Variants in BBS9 observed in about 807,000 individuals in gnomAD.
BBS9 encodes Bardet-Biedl syndrome 9.
A neutral mutation model predicts 117.7 loss-of-function variants in BBS9; 89 were observed. That is an observed-to-expected ratio of 0.76 (90% CI 0.64 to 0.90). BBS9 has a LOEUF of 0.90. Among genes scored for constraint, BBS9 ranks in the 40% least tolerant of loss-of-function variants. BBS9 has a pLI of 0.00. For synonymous variants in BBS9, 379 were observed against 370.9 expected (o/e 1.02, Z -0.25); for missense variants, 982 against 1,042.2 (o/e 0.94, Z 0.80).
chr7:33,509,833 A>G (rs948373073), intron 20 of BBS9, among the ~76,000 whole-genome samples: 3 of 152,200 alleles, frequency 2.0e-5, no homozygotes, highest in Non-Finnish European at 4.4e-5. Context: ...ATGAAAAGTA[A>G]TGTTCTCCAC....
intron 19 of BBS9, among the ~76,000 whole-genome samples, chr7:33,444,379 T>C (rs1286950076): frequency 6.6e-6 from 1 of 152,224 alleles, no homozygotes; most frequent in Non-Finnish European, 1.5e-5. Context: ...TTACATGATA[T>C]AGATTATTTT....
At chr7:33,568,572 T>C (rs1274894263) in intron 21 of BBS9, among the ~76,000 whole-genome samples, 1 of 152,236 alleles carries the variant, frequency 6.6e-6, no homozygotes, top group Non-Finnish European at 1.5e-5. Context: ...AAGCTATTTC[T>C]TGAGTTGAGT....
intron 21 of BBS9, among the ~76,000 whole-genome samples, chr7:33,550,475 G>T: frequency 6.6e-6 from 1 of 152,022 alleles, no homozygotes; most frequent in South Asian, 2.1e-4. Flanking sequence ...ACAACAATTT[G>T]GCCTATTCCT....
intron 4 of BBS9, among the ~76,000 whole-genome samples, chr7:33,156,136 T>G (rs1328855047): frequency 6.6e-6 from 1 of 152,178 alleles, no homozygotes; most frequent in Non-Finnish European, 1.5e-5. Context: ...ATTTCTTGGT[T>G]TTTGGTTGTC....
At chr7:33,285,659 G>A (rs1802744128) in intron 9 of BBS9, among the ~76,000 whole-genome samples, 1 of 152,084 alleles carries the variant, frequency 6.6e-6, no homozygotes. Flanking sequence ...TGCTTATAAT[G>A]TCCTTATAGC....
chr7:33,219,760 G>A (rs1249488826), intron 5 of BBS9, among the ~76,000 whole-genome samples: 1 of 152,188 alleles, frequency 6.6e-6, no homozygotes, highest in East Asian at 1.9e-4. Context: ...TAGGATGTGG[G>A]TGGGGCCAGA....
intron 1 of BBS9, among the ~76,000 whole-genome samples, chr7:33,131,426 C>A (rs1387817619): frequency 6.6e-6 from 1 of 152,182 alleles, no homozygotes; most frequent in Admixed American, 6.6e-5. Context: ...CCCTTTGAGT[C>A]TTTTGTTGAA....
rs79005503 is a variant in BBS9, at chr7:33,338,147, A to G, written c.1198+1525A>G. On this transcript the variant is annotated intron_variant, in intron 10 of 22. Coordinates refer to ENST00000242067, the MANE Select transcript of BBS9 (RefSeq NM_198428.3). ...AAAGTGCATGATTTACATAACCTCA[A>G]TTTTTAATTAATGTTTGAAGTTCCT... 9.5e-3 allele frequency among the ~76,000 whole-genome samples: 1,451 copies of G among 152,196 alleles called. 27 individuals are homozygous for G. The highest frequency in any genetic ancestry group is 0.033 in the African/African-American group (1,375 of 41,538).
At chr7:33,617,387 G>A (rs558766018) in intron 21 of BBS9, among the ~76,000 whole-genome samples, 6 of 152,102 alleles carry the variant, frequency 3.9e-5, no homozygotes, top group South Asian at 2.1e-4. Context: ...ATAAAGAGGG[G>A]CCAAACATAA....
intron 2 of BBS9, among the ~76,000 whole-genome samples, chr7:33,148,371 G>T (rs1281023015): frequency 1.3e-5 from 2 of 152,074 alleles, no homozygotes; most frequent in African/African-American, 4.8e-5. Flanking sequence ...AAAAGAGCAG[G>T]CAGAGAGGCA....
intron 21 of BBS9, among the ~76,000 whole-genome samples, chr7:33,590,459 G>GTTTTTTTTTTTTTTT (rs71554107): frequency 5.9e-5 from 6 of 101,492 alleles, no homozygotes; most frequent in African/African-American, 1.2e-4. Context: ...TTGTTTTTTT[G>GTTTTTTTTTTTTTTT]TTTTTTTTTT....
In BBS9 at chr7:33,626,732, G is replaced by C. The variant is rs567194988; in HGVS notation, c.2522-8445G>C. Among the ~76,000 whole-genome samples, 6 of 152,310 alleles carry C rather than the reference G, an allele frequency of 3.9e-5. No individual in the cohort carries two copies. The East Asian group carries it at 1.2e-3, about 29-fold the overall frequency. On this transcript the variant is annotated intron_variant, in intron 21 of 21. Transcript: ENST00000671952. The stretch of plus-strand genomic sequence containing the variant: ...AGGCCCTAGAAATCTGTGGAACTTT[G>C]AACTTGAGGGTGATGACTTAGGGTA...
chr7:33,447,564 C>T (rs935893497), intron 19 of BBS9, among the ~76,000 whole-genome samples: 1 of 152,044 alleles, frequency 6.6e-6, no homozygotes, highest in African/African-American at 2.4e-5. Context: ...CAACTGTTTC[C>T]AAAAAGACTT....
intron 5 of BBS9, among the ~76,000 whole-genome samples, chr7:33,228,292 A>G (rs1490718390): frequency 1.3e-5 from 2 of 152,122 alleles, no homozygotes; most frequent in Non-Finnish European, 2.9e-5. Flanking sequence ...AGAATTGTCT[A>G]TTCATGTCGT....
chr7:33,459,541 G>A (rs769207594), intron 19 of BBS9, among the ~76,000 whole-genome samples: 3 of 151,984 alleles, frequency 2.0e-5, no homozygotes, highest in Non-Finnish European at 2.9e-5. Flanking sequence ...GAAGTGGCCC[G>A]TCTCTACAAA....
At chr7:33,334,525 C>G (rs750950012) in intron 9 of BBS9, among the ~76,000 whole-genome samples, 2 of 152,070 alleles carry the variant, frequency 1.3e-5, no homozygotes, top group Non-Finnish European at 2.9e-5. Flanking sequence ...AAGATTTGCT[C>G]TCTTGAAATG....
intron 20 of BBS9, among the ~76,000 whole-genome samples, chr7:33,524,900 C>T (rs1336201477): frequency 2.6e-5 from 4 of 152,190 alleles, no homozygotes; most frequent in Non-Finnish European, 5.9e-5. Flanking sequence ...CTATAAATTT[C>T]CCTGTACGCA....
At chr7:33,200,754 T>C (rs1394088823) in intron 5 of BBS9, among the ~76,000 whole-genome samples, 1 of 152,170 alleles carries the variant, frequency 6.6e-6, no homozygotes, top group East Asian at 1.9e-4. Context: ...TGGAGTAATT[T>C]TGTTTTGCTC....
downstream of BBS9, among the ~76,000 whole-genome samples, chr7:33,609,262 T>A (rs1027240657): frequency 6.6e-6 from 1 of 152,104 alleles, no homozygotes; most frequent in Admixed American, 6.6e-5. Context: ...AAAATCCTCA[T>A]TGAAATGATC....
Sources: allele counts gnomAD v4.1 joint callset (sites outside exome capture counted in the v4.1 genomes callset), GRCh38; gene constraint gnomAD v4.1.1; transcripts MANE v1.5; gene names NCBI Gene and HGNC (gene_info 2026-07-23, HGNC 2026-07-21).